RFX7: variants seen among roughly 807,000 people sequenced by gnomAD.
RFX7 encodes the protein DNA-binding protein RFX7.
A neutral mutation model predicts 111.8 loss-of-function variants in RFX7; 26 were observed. That is an observed-to-expected ratio of 0.23 (90% CI 0.17 to 0.32). The LOEUF (loss-of-function observed/expected upper bound fraction) is 0.32, where lower values mean the gene tolerates loss of function less well. Ranked by LOEUF, RFX7 falls within the 10% of genes least tolerant of loss-of-function variation. The pLI, the probability that RFX7 is intolerant of heterozygous loss-of-function variation, is 1.00. For missense variants in RFX7, 1,573 were observed against 1,772.9 expected (o/e 0.89, Z 2.02); for synonymous variants, 624 against 624.4 (o/e 1.00, Z 0.01).
At chr15:56,104,390 C>A (rs2041801049) in intron 5 of RFX7, among the ~76,000 whole-genome samples, 1 of 152,152 alleles carries the variant, frequency 6.6e-6, no homozygotes, top group East Asian at 1.9e-4. Flanking sequence ...AGCAGCAGAC[C>A]AAGGCCACAC....
chr15:56,098,582 C>T (rs187737727), intron 8 of RFX7, among the ~76,000 whole-genome samples: 7 of 152,326 alleles, frequency 4.6e-5, no homozygotes, highest in Admixed American at 4.6e-4. Context: ...TATGGTTCAA[C>T]TCAGGCGACA....
In RFX7 at chr15:56,098,203, C is replaced by G; in HGVS notation, c.985G>C (p.Ala329Pro). The change falls in exon 9 of 10, where the codon GCA becomes CCA. Residue 329 changes from alanine to proline, a missense_variant. Ala to Pro is a conservative substitution (Grantham distance 27). This residue lies in a region of RFX7 where 288 missense variants were observed against 337.9 expected (regional missense o/e 0.85). Transcript: ENST00000559447. ...GTAGCACTTTCTGACTTTTTTGCTG[C>G]AGATTCTCCTGGCAAAGGGGATTGT... ...KLQSPLPGES[A>P]AKKSESATSN... is the part of the protein sequence containing the mutation. 2 of 1,613,954 alleles carry G rather than the reference C, an allele frequency of 1.2e-6. No homozygotes were observed.
intron 2 of RFX7, among the ~76,000 whole-genome samples, chr15:56,182,604 C>T (rs1205548348): frequency 1.3e-5 from 2 of 152,136 alleles, no homozygotes; most frequent in South Asian, 4.1e-4. Context: ...TTCCATCACA[C>T]TGTACTTTTC....
At chr15:56,121,941 T>C (rs1461784582) in intron 5 of RFX7, among the ~76,000 whole-genome samples, 1 of 152,240 alleles carries the variant, frequency 6.6e-6, no homozygotes, top group African/African-American at 2.4e-5. Flanking sequence ...TGAATTTATT[T>C]GAGCTCCCTC....
At chr15:56,224,355 TA>T (rs1232250413) in intron 2 of RFX7, among the ~76,000 whole-genome samples, 4 of 151,910 alleles carry the variant, frequency 2.6e-5, no homozygotes, top group Admixed American at 6.6e-5. Context: ...AAAAACACAT[TA>T]AAAAGAAGAA....
At chr15:56,228,407 A>G (rs1276336693) in intron 2 of RFX7, among the ~76,000 whole-genome samples, 1 of 152,144 alleles carries the variant, frequency 6.6e-6, no homozygotes, top group African/African-American at 2.4e-5. Context: ...GAACTATGGA[A>G]CTATGTTCCA....
At chr15:56,111,679 A>C (rs1366878492) in intron 5 of RFX7, among the ~76,000 whole-genome samples, 2 of 150,910 alleles carry the variant, frequency 1.3e-5, no homozygotes, top group Admixed American at 6.6e-5. Flanking sequence ...AAAAAAAAAA[A>C]ACCAAAAAAA....
chr15:56,155,087 C>T (rs371495409), intron 3 of RFX7, among the ~76,000 whole-genome samples: 9 of 152,230 alleles, frequency 5.9e-5, no homozygotes, highest in African/African-American at 1.4e-4. Flanking sequence ...TACCATCTCA[C>T]GGCAGTTAGA....
At chr15:56,178,166 T>TGC (rs2042923323) in intron 3 of RFX7, among the ~76,000 whole-genome samples, 1 of 119,656 alleles carries the variant, frequency 8.4e-6, no homozygotes, top group East Asian at 2.3e-4. Context: ...ACCAAAAAAC[T>TGC]ACACACACAC....
intron 3 of RFX7, among the ~76,000 whole-genome samples, chr15:56,157,305 G>A (rs570445044): frequency 6.6e-6 from 1 of 152,166 alleles, no homozygotes; most frequent in South Asian, 2.1e-4. Context: ...CATAAAGATA[G>A]TATCCTATAT....
At chr15:56,160,462 G>A (rs2042707560) in intron 3 of RFX7, among the ~76,000 whole-genome samples, 1 of 151,824 alleles carries the variant, frequency 6.6e-6, no homozygotes, top group Non-Finnish European at 1.5e-5. Flanking sequence ...CATATATGGA[G>A]GGAACATAAA....
intron 5 of RFX7, among the ~76,000 whole-genome samples, chr15:56,131,225 C>T (rs576398842): frequency 1.1e-3 from 163 of 148,758 alleles, no homozygotes; most frequent in African/African-American, 4.0e-3. Flanking sequence ...CACGTCTTGA[C>T]ATAAGGAGGA....
chr15:56,243,049 G>GCCCCCC, intron 2 of RFX7, 76 bp downstream of exon 2: 6 of 476,998 alleles, frequency 1.3e-5, no homozygotes, highest in Non-Finnish European at 2.3e-5. Flanking sequence ...CGCTCCCCCC[G>GCCCCCC]CCCGCCGCCC....
rs375258416 is a variant in RFX7 at position 56,104,129 on chromosome 15, C to G, written c.402-459G>C. 4.9e-4 allele frequency among the ~76,000 whole-genome samples: 75 copies of G among 152,202 alleles called. 1 individual carries two copies. The highest frequency in any genetic ancestry group is 1.7e-3 in the African/African-American group (72 of 41,540). ...TATGTTTGAACTAAAAGGGACCCTACGAATACACCAACACTCTCATTTTAC... is the reference window on the plus strand; with the variant it reads ...TATGTTTGAACTAAAAGGGACCCTAGGAATACACCAACACTCTCATTTTAC... On this transcript the variant is annotated intron_variant, in intron 5 of 9. Transcript: ENST00000559447.
chr15:56,229,253 A>ATTGTTG (rs1202293901), intron 2 of RFX7, among the ~76,000 whole-genome samples: 3 of 151,980 alleles, frequency 2.0e-5, no homozygotes, highest in East Asian at 3.9e-4. Context: ...CTTTGGCCTA[A>ATTGTTG]TTGTTGTTGT....
At chr15:56,142,549 C>T (rs1163086359) in intron 5 of RFX7, among the ~76,000 whole-genome samples, 1 of 152,140 alleles carries the variant, frequency 6.6e-6, no homozygotes, top group African/African-American at 2.4e-5. Context: ...GACCTCCCTC[C>T]TGTCATCCTG....
Position 56,214,632 on chromosome 15 carries a change from G to A in RFX7, c.161+28493C>T, listed in dbSNP as rs543033240. ...TGGGAGGCTGAGGCCAGAGAATGGCGTGAACCCGGGAGGAGGAGCTTGCAG... is the reference window on the plus strand; with the variant it reads ...TGGGAGGCTGAGGCCAGAGAATGGCATGAACCCGGGAGGAGGAGCTTGCAG... On this transcript the variant is annotated intron_variant, in intron 2 of 9. Coordinates refer to ENST00000559447, the MANE Select transcript of RFX7 (RefSeq NM_022841.7). Among the ~76,000 whole-genome samples, 498 of 150,940 alleles carry A rather than the reference G, an allele frequency of 3.3e-3. 2 individuals carry two copies. The highest frequency in any genetic ancestry group is 5.5e-3 in the Non-Finnish European group (372 of 67,816).
Position 56,095,947 on chromosome 15 carries a change from T to G in RFX7, c.1781A>C (p.Lys594Thr). The G allele has an allele frequency of 1.6e-5, 26 of 1,607,786 alleles. No homozygotes were observed. Among genetic ancestry groups the G allele is most frequent in the Non-Finnish European group, 2.2e-5 (26 of 1,179,704 alleles). The change falls in exon 10 of 10, where the codon AAG becomes ACG. Residue 594 changes from lysine to threonine, a missense_variant. Transcript: ENST00000559447. ...NEGVIEIKATKVCDQRTKCKS... is the reference protein window; with the variant it reads ...NEGVIEIKATTVCDQRTKCKS... ...ACATTTGGTCCTCTGGTCACAGACC[T>G]TAGTTGCTTTTATTTCAATGACACC...
At position 56,154,675 on chromosome 15, in the gene RFX7, A is replaced by G. The variant is rs538588339; in HGVS notation, c.196-10192T>C. Among the ~76,000 whole-genome samples the G allele has an allele frequency of 1.7e-3, 255 of 152,038 alleles. 3 individuals are homozygous for G. Among genetic ancestry groups the G allele is most frequent in the East Asian group, 3.9e-3 (20 of 5,186 alleles). Reference sequence around the variant, plus strand: ...AAACGTAAGACCTAGGACCATAAAAATCCTAGAAGAAAACCTGGGCAATAG... The same window carrying G: ...AAACGTAAGACCTAGGACCATAAAAGTCCTAGAAGAAAACCTGGGCAATAG... On this transcript the variant is annotated intron_variant, in intron 3 of 9. Transcript: ENST00000559447.
Sources: gnomAD v4.1 joint callset for allele counts (sites outside exome capture counted in the v4.1 genomes callset) on GRCh38, gnomAD v4.1.1 for gene constraint, gnomAD v4.1.1 regional missense constraint, MANE v1.5 for transcripts, NCBI Gene and HGNC (gene_info 2026-07-23, HGNC 2026-07-21) for gene names.